The following PTPRR variants were observed in gnomAD, a reference collection of about 807,000 sequenced individuals.
PTPRR encodes the protein protein tyrosine phosphatase receptor type R.
PTPRR carries 38 observed loss-of-function variants against 77.2 expected under a neutral mutation model. That is an observed-to-expected ratio of 0.49 (90% CI 0.38 to 0.65). The LOEUF (loss-of-function observed/expected upper bound fraction) is 0.65, where lower values mean the gene tolerates loss of function less well. PTPRR is among the 30% of genes least tolerant of loss of function. The pLI is 0.00. For missense variants in PTPRR, 744 were observed against 799.2 expected (o/e 0.93, Z 0.83); for synonymous variants, 299 against 283.1 (o/e 1.06, Z -0.57).
At chr12:70,907,477 G>C (rs576868949) in intron 1 of PTPRR, among the ~76,000 whole-genome samples, 17 of 152,214 alleles carry the variant, frequency 1.1e-4, no homozygotes, top group Non-Finnish European at 2.5e-4. Context: ...CTCTATTTGG[G>C]AGTTACAGAA....
chr12:70,778,958 G>A (rs865935256), intron 2 of PTPRR, among the ~76,000 whole-genome samples: 15 of 152,164 alleles, frequency 9.9e-5, no homozygotes, highest in Middle Eastern at 6.8e-3. Flanking sequence ...TGATTCTCCC[G>A]CCTCAGCCTC....
chr12:70,873,391 A>G (rs1892994710), intron 2 of PTPRR, among the ~76,000 whole-genome samples: 1 of 152,204 alleles, frequency 6.6e-6, no homozygotes, highest in South Asian at 2.1e-4. Flanking sequence ...ATTTACACTG[A>G]GAAACAATTG....
At chr12:70,653,242 A>T (rs980428555) in intron 13 of PTPRR, among the ~76,000 whole-genome samples, 4 of 152,128 alleles carry the variant, frequency 2.6e-5, no homozygotes, top group African/African-American at 9.7e-5. Flanking sequence ...TCCCCCTCAG[A>T]GTTAGGGCCC....
intron 6 of PTPRR, among the ~76,000 whole-genome samples, chr12:70,715,524 A>C (rs1336311414): frequency 1.3e-5 from 2 of 152,192 alleles, no homozygotes; most frequent in Non-Finnish European, 2.9e-5. Flanking sequence ...GCTATGCAAG[A>C]CTGGGGTCTA....
intron 3 of PTPRR, 74 bp from the exon 4 acceptor site, chr12:70,761,700 T>C (rs972464486): frequency 1.7e-6 from 2 of 1,187,892 alleles, no homozygotes; most frequent in African/African-American, 3.1e-5. Context: ...ACCTGTCCTT[T>C]AGAAACATTA....
intron 5 of PTPRR, among the ~76,000 whole-genome samples, chr12:70,752,067 A>G (rs1005914553): frequency 5.3e-5 from 8 of 152,156 alleles, no homozygotes; most frequent in African/African-American, 1.7e-4. Flanking sequence ...TGAATGTCAT[A>G]TAGTTGGACT....
At chr12:70,684,068 G>A (rs1887769568) in intron 10 of PTPRR, 59 bp downstream of exon 10, 2 of 1,549,464 alleles carry the variant, frequency 1.3e-6, no homozygotes, top group Non-Finnish European at 1.8e-6. Flanking sequence ...TACTAACACA[G>A]TATCTCTTCT....
chr12:70,750,524 C>CA (rs1890357699), intron 5 of PTPRR, among the ~76,000 whole-genome samples: 1 of 152,096 alleles, frequency 6.6e-6, no homozygotes, highest in East Asian at 1.9e-4. Flanking sequence ...AGCTTATTAT[C>CA]AAAATAATTT....
chr12:70,702,284 T>C (rs566353032), intron 6 of PTPRR, among the ~76,000 whole-genome samples: 14 of 152,038 alleles, frequency 9.2e-5, no homozygotes, highest in Admixed American at 5.2e-4. Context: ...GGGGTAACTA[T>C]GAAATAGCAT....
At chr12:70,860,210 T>C (rs1404341576) in intron 2 of PTPRR, among the ~76,000 whole-genome samples, 3 of 152,004 alleles carry the variant, frequency 2.0e-5, no homozygotes, top group Admixed American at 1.3e-4. Context: ...TTTAATAGAG[T>C]CAAACTAAGG....
chr12:70,685,438 G>A (rs1178092131), intron 8 of PTPRR, among the ~76,000 whole-genome samples: 2 of 138,414 alleles, frequency 1.4e-5, no homozygotes, highest in Non-Finnish European at 3.0e-5. Context: ...TGAGCCTGGG[G>A]CTTCAAGCCT....
intron 2 of PTPRR, among the ~76,000 whole-genome samples, chr12:70,779,002 C>T (rs1241391387): frequency 2.0e-5 from 3 of 152,142 alleles, no homozygotes; most frequent in East Asian, 3.9e-4. Flanking sequence ...TGCACCACCA[C>T]ACCCAGCTAA....
chr12:70,880,530 C>G (rs575684516), intron 2 of PTPRR, among the ~76,000 whole-genome samples: 1 of 152,242 alleles, frequency 6.6e-6, no homozygotes, highest in Admixed American at 6.5e-5. Flanking sequence ...GCACTTAGCA[C>G]TATCCGAAAT....
chr12:70,915,566 G>T, intron 1 of PTPRR, among the ~76,000 whole-genome samples: 1 of 152,232 alleles, frequency 6.6e-6, no homozygotes, highest in East Asian at 1.9e-4. Flanking sequence ...ATTTCACTGA[G>T]AAGTGAAAAT....
At chr12:70,819,595 C>A (rs961951614) in intron 2 of PTPRR, among the ~76,000 whole-genome samples, 8 of 152,290 alleles carry the variant, frequency 5.3e-5, no homozygotes, top group African/African-American at 1.9e-4. Flanking sequence ...TCATGGAAAT[C>A]TCTTTATTCA....
At chr12:70,879,809 G>C (rs1228086903) in intron 2 of PTPRR, among the ~76,000 whole-genome samples, 1 of 151,924 alleles carries the variant, frequency 6.6e-6, no homozygotes, top group East Asian at 1.9e-4. Flanking sequence ...GGGGCAGCTT[G>C]CAAAAACACG....
intron 2 of PTPRR, among the ~76,000 whole-genome samples, chr12:70,830,822 G>A (rs1006460903): frequency 6.6e-6 from 1 of 152,192 alleles, no homozygotes; most frequent in African/African-American, 2.4e-5. Flanking sequence ...TGACCTGCCT[G>A]AAATTGTTGA....
At chr12:70,747,634 T>C (rs1890255903) in intron 5 of PTPRR, among the ~76,000 whole-genome samples, 2 of 152,226 alleles carry the variant, frequency 1.3e-5, no homozygotes, top group Admixed American at 1.3e-4. Context: ...CATGAGCTTA[T>C]GTTTTTGATG....
rs535869475 is a variant in PTPRR, at chr12:70,745,437, T to C, written c.1007+381A>G. 2.6e-5 allele frequency among the ~76,000 whole-genome samples: 4 copies of C among 152,324 alleles called. No homozygotes were observed. In the East Asian group the frequency reaches 7.7e-4, roughly 29 times the overall value. On this transcript the variant is annotated intron_variant, in intron 6 of 13. Coordinates refer to ENST00000283228, the MANE Select transcript of PTPRR (RefSeq NM_002849.4). ...AACTCCTGCCTAACTCCAGACAACG[T>C]GGGCTTTTGCAGGAAACACTCTGAG...
Sources: allele counts gnomAD v4.1 joint callset (sites outside exome capture counted in the v4.1 genomes callset), GRCh38; gene constraint gnomAD v4.1.1; transcripts MANE v1.5; gene names NCBI Gene and HGNC (gene_info 2026-07-23, HGNC 2026-07-21).